DNAJB12: variants seen among roughly 807,000 people sequenced by gnomAD.
DNAJB12 encodes dnaJ homolog subfamily B member 12.
Under a neutral mutation model 40.6 loss-of-function variants are expected in DNAJB12, and 14 were observed. That is an observed-to-expected ratio of 0.34 (90% CI 0.23 to 0.54). The LOEUF is 0.54. Ranked by LOEUF, DNAJB12 falls within the 20% of genes least tolerant of loss-of-function variation. DNAJB12 has a pLI of 0.92. For synonymous variants in DNAJB12, 181 were observed against 199.5 expected, an observed-to-expected ratio of 0.91 and a Z score of 0.78; for missense variants, 444 against 501.7, an observed-to-expected ratio of 0.89 and a Z score of 1.10.
At chr10:72,343,555 C>A in intron 2 of DNAJB12, 44 bp from the exon 3 acceptor site, 1 of 1,608,258 alleles carries the variant, frequency 6.2e-7, no homozygotes, top group South Asian at 1.1e-5. Context: ...CTACATGGGT[C>A]TGTGTGAGGG....
intron 5 of DNAJB12, among the ~76,000 whole-genome samples, chr10:72,339,924 T>A (rs1246742609): frequency 1.3e-5 from 2 of 150,882 alleles, no homozygotes; most frequent in Non-Finnish European, 2.9e-5. Context: ...TTGGCCAGAC[T>A]GCTCTCAAAC....
chr10:72,340,975 G>T lies in DNAJB12; in HGVS notation c.643+10C>A, dbSNP rs768042650. 9.6e-5 allele frequency: 155 copies of T among 1,612,360 alleles called. No individual in the cohort carries two copies. Among genetic ancestry groups the T allele is most frequent in the Non-Finnish European group, 1.3e-4 (153 of 1,179,178 alleles). On this transcript the variant is annotated intron_variant, in intron 4 of 8. Transcript: ENST00000444643. ...GGGATACCTGGCTGTGGGGAGGGTG[G>T]GGAACTTACTAGAAGGGAAGCCGCC... is the stretch of plus-strand genomic sequence containing the variant.
intron 1 of DNAJB12, among the ~76,000 whole-genome samples, chr10:72,349,753 A>G (rs1230704059): frequency 6.6e-6 from 1 of 152,188 alleles, no homozygotes; most frequent in African/African-American, 2.4e-5. Flanking sequence ...ACAGGGAATC[A>G]GCCACTCTAA....
At chr10:72,349,699 C>T (rs562407059) in intron 1 of DNAJB12, among the ~76,000 whole-genome samples, 16 of 152,122 alleles carry the variant, frequency 1.1e-4, no homozygotes, top group Non-Finnish European at 1.8e-4. Flanking sequence ...CAGGCTCTCT[C>T]TTGTACCTCT....
intron 8 of DNAJB12, 183 bp from the exon 9 acceptor site, chr10:72,334,800 C>T: frequency 7.2e-7 from 1 of 1,382,242 alleles, no homozygotes; most frequent in Non-Finnish European, 9.3e-7. Flanking sequence ...AAATGGCCTC[C>T]AGGCAGAGTC....
In DNAJB12 at chr10:72,338,258, C is replaced by T; in HGVS notation, c.777G>A (p.Val259=). The change falls in exon 6 of 9, where the codon GTG becomes GTA. Residue 259 remains valine (V), a synonymous_variant. Transcript: ENST00000444643. ...QLMPILILIL[V]SALSQLMVSS... Reference sequence around the variant, plus strand: ...AGACCATGAGCTGGCTGAGAGCTGACACGAGAATCAGGATGAGGATAGGCA... The same window carrying T: ...AGACCATGAGCTGGCTGAGAGCTGATACGAGAATCAGGATGAGGATAGGCA... 1 of 1,614,046 alleles carries T rather than the reference C, an allele frequency of 6.2e-7. No homozygotes were observed. Among genetic ancestry groups the T allele is most frequent in the Non-Finnish European group, 8.5e-7 (1 of 1,180,004 alleles).
intron 1 of DNAJB12, among the ~76,000 whole-genome samples, chr10:72,354,564 C>T (rs1458942325): frequency 3.3e-5 from 5 of 152,226 alleles, no homozygotes. Flanking sequence ...GTCCCGGCCG[C>T]CCGAGTCTCC....
chr10:72,339,910 C>T (rs145858430), intron 5 of DNAJB12, among the ~76,000 whole-genome samples: 3,440 of 151,600 alleles, frequency 0.023, 120 homozygotes, highest in East Asian at 0.086. Context: ...GGGGTTTCAC[C>T]ATGTTGGCCA....
intron 6 of DNAJB12, among the ~76,000 whole-genome samples, chr10:72,337,419 G>A (rs1380434920): frequency 6.6e-6 from 1 of 152,204 alleles, no homozygotes; most frequent in Non-Finnish European, 1.5e-5. Context: ...CTGAAGATGT[G>A]CACCCACTGT....
chr10:72,336,052 G>A, intron 7 of DNAJB12, 121 bp from the exon 8 acceptor site: 3 of 1,280,380 alleles, frequency 2.3e-6, no homozygotes, highest in Non-Finnish European at 3.3e-6. Flanking sequence ...GGGCAGGGCT[G>A]GCCTCCCATT....
chr10:72,333,666 A>G lies in DNAJB12; in HGVS notation c.*982T>C, dbSNP rs1861381815. On this transcript the variant is annotated 3_prime_UTR_variant, in exon 9 of 9. Coordinates refer to ENST00000444643, the MANE Select transcript of DNAJB12 (RefSeq NM_017626.7). ...CCCACTGAGGGACTTAGGGGTGGGG[A>G]AATGGTTAGGTAGATCCTGGCCCCC... is the stretch of plus-strand genomic sequence containing the variant. The G allele has an allele frequency of 6.5e-6, 1 of 152,676 alleles. No individual in the cohort carries two copies. The highest frequency in any genetic ancestry group is 1.5e-5 in the Non-Finnish European group (1 of 68,102). 9.5% of individuals were successfully genotyped at this position (152,676 alleles called of 1,614,324 possible). A position where few individuals can be genotyped will look rare whatever the true frequency, so the allele number is the denominator to read the frequency against.
At position 72,335,009 on chromosome 10, in the gene DNAJB12, C is replaced by T. The variant is rs908267223; in HGVS notation, c.*31-392G>A. On this transcript the variant is annotated intron_variant, in intron 8 of 8. Coordinates refer to ENST00000444643, the MANE Select transcript of DNAJB12 (RefSeq NM_017626.7). The surrounding 1 kb of genome is among the most constrained non-coding windows in gnomAD (Gnocchi z 4.4). ...GAGGGAGCCTGCTACCAGCAACTCT[C>T]ATTTCCCCTCCACCCCTCCTGTGCT... is the stretch of plus-strand genomic sequence containing the variant. The T allele has an allele frequency of 3.6e-5, 39 of 1,069,706 alleles. No homozygotes were observed. Among genetic ancestry groups the T allele is most frequent in the Non-Finnish European group, 4.3e-5 (38 of 884,172 alleles). The allele number at this position is 1,069,706 out of a possible 1,614,324, so 66.3% of individuals were successfully genotyped here. A position where few individuals can be genotyped will look rare whatever the true frequency, so the allele number is the denominator to read the frequency against.
intron 2 of DNAJB12, 89 bp from the exon 3 acceptor site, chr10:72,343,600 T>C (rs1861703854): frequency 2.1e-6 from 3 of 1,445,974 alleles, no homozygotes; most frequent in South Asian, 2.5e-5. Context: ...CGCACAGCTC[T>C]GGGCAGGCTG....
intron 1 of DNAJB12, among the ~76,000 whole-genome samples, chr10:72,352,843 C>CT (rs1372709827): frequency 6.6e-6 from 1 of 152,108 alleles, no homozygotes; most frequent in Non-Finnish European, 1.5e-5. Flanking sequence ...CTGGGATGAG[C>CT]CTAAACCCAA....
chr10:72,342,048 G>C, intron 3 of DNAJB12, among the ~76,000 whole-genome samples: 1 of 152,234 alleles, frequency 6.6e-6, no homozygotes. Flanking sequence ...AGGCCAGACA[G>C]ACACACAATA....
chr10:72,349,514 C>T (rs1193728666), intron 1 of DNAJB12, among the ~76,000 whole-genome samples: 3 of 152,118 alleles, frequency 2.0e-5, no homozygotes, highest in South Asian at 4.1e-4. Context: ...TTGGTCAAGG[C>T]GGGGCAGGAG....
At chr10:72,336,897 G>A (rs1861494091) in intron 6 of DNAJB12, 6 of 483,054 alleles carry the variant, frequency 1.2e-5, no homozygotes, top group East Asian at 3.3e-5. Context: ...GGCCCAGACC[G>A]CAGGACGCCC....
chr10:72,343,626 G>T, intron 2 of DNAJB12, 115 bp from the exon 3 acceptor site: 1 of 1,151,536 alleles, frequency 8.7e-7, no homozygotes, highest in Non-Finnish European at 1.3e-6. Flanking sequence ...GACCAACAGG[G>T]CAAGGCTGAC....
chr10:72,345,062 T>G lies in DNAJB12; in HGVS notation c.199A>C (p.Thr67Pro). The G allele has an allele frequency of 6.2e-7, 1 of 1,614,122 alleles. No individual in the cohort carries two copies. Among genetic ancestry groups the G allele is most frequent in the Non-Finnish European group, 8.5e-7 (1 of 1,179,988 alleles). Reference sequence around the variant, plus strand: ...CCTGCTTTCCTGTGGGTGGCATGGGTTGTGTCTGTGGGTGGGGGTTGGTCA... The same window carrying G: ...CCTGCTTTCCTGTGGGTGGCATGGGGTGTGTCTGTGGGTGGGGGTTGGTCA... Reference protein sequence around the residue: ...AGDQPPPTDTTHATHRKAGGT... With the variant: ...AGDQPPPTDTPHATHRKAGGT... Residue 67 changes from threonine to proline, a missense_variant, in exon 2 of 9, where the codon ACC (threonine) becomes CCC (proline). Thr to Pro is a conservative substitution (Grantham distance 38, BLOSUM62 -1). Transcript: ENST00000444643.
Sources: gnomAD v4.1 joint callset for allele counts (sites outside exome capture counted in the v4.1 genomes callset) on GRCh38, gnomAD v4.1.1 for gene constraint, Gnocchi (gnomAD v3.1) non-coding constraint, MANE v1.5 for transcripts, NCBI Gene and HGNC (gene_info 2026-07-23, HGNC 2026-07-21) for gene names.